Variants in CYRIB observed in about 807,000 individuals in gnomAD.
The protein encoded by CYRIB is CYFIP related Rac1 interactor B.
Under a neutral mutation model 44.2 loss-of-function variants are expected in CYRIB, and 8 were observed. The ratio of observed to expected loss-of-function variants is 0.18; its 90% confidence interval spans 0.11 to 0.33. CYRIB has a LOEUF of 0.33. CYRIB is among the 10% of genes least tolerant of loss of function. CYRIB has a pLI of 1.00. For synonymous variants in CYRIB, 131 were observed against 127.2 expected (o/e 1.03, Z -0.20); for missense variants, 185 against 382.8 (o/e 0.48, Z 4.31).
chr8:129,984,787 T>G (rs1049957625), intron 1 of CYRIB, among the ~76,000 whole-genome samples: 1 of 152,080 alleles, frequency 6.6e-6, no homozygotes, highest in Non-Finnish European at 1.5e-5. Context: ...TTTGTTTTTG[T>G]TTTTTTGAGA....
intron 2 of CYRIB, among the ~76,000 whole-genome samples, chr8:129,898,334 T>C (rs1048098277): frequency 1.3e-5 from 2 of 152,138 alleles, no homozygotes; most frequent in African/African-American, 4.8e-5. Context: ...AAGAAATTAG[T>C]ACTAAAACTT....
upstream of CYRIB, among the ~76,000 whole-genome samples, chr8:129,942,649 CA>C (rs566249516): frequency 6.7e-5 from 10 of 149,344 alleles, no homozygotes; most frequent in Non-Finnish European, 1.0e-4. Flanking sequence ...CAAAAGGATG[CA>C]AAAAAAAAGG....
Position 129,898,481 on chromosome 8 carries a change from C to A in CYRIB, c.-11+4831G>T, listed in dbSNP as rs556900733. Among the ~76,000 whole-genome samples, 9 of 152,210 alleles carry A rather than the reference C, an allele frequency of 5.9e-5. No individual in the cohort carries two copies. In the East Asian group the frequency reaches 1.7e-3, roughly 29 times the overall value. On this transcript the variant is annotated intron_variant, in intron 2 of 11. Transcript: ENST00000519824. ...ATGTATGCTTATTAGGAAAAGAAGA[C>A]GGATGTTAAGAAATGTTCTTAAATA... is the stretch of plus-strand genomic sequence containing the variant.
chr8:129,910,312 T>C (rs1412148809), intron 1 of CYRIB, among the ~76,000 whole-genome samples: 2 of 152,152 alleles, frequency 1.3e-5, no homozygotes, highest in Non-Finnish European at 2.9e-5. Flanking sequence ...ATCTTAGCTA[T>C]GAACATATAT....
intron 1 of CYRIB, among the ~76,000 whole-genome samples, chr8:129,937,905 CAT>C (rs1373178436): frequency 2.0e-5 from 3 of 151,982 alleles, no homozygotes; most frequent in African/African-American, 7.3e-5. Flanking sequence ...CTCTCTCTCT[CAT>C]GAGTTAGGAA....
At chr8:129,870,232 C>T (rs923290141) in intron 4 of CYRIB, among the ~76,000 whole-genome samples, 5 of 151,890 alleles carry the variant, frequency 3.3e-5, no homozygotes, top group East Asian at 3.9e-4. Context: ...AGACCAGCCT[C>T]GGCAACATGG....
intron 1 of CYRIB, among the ~76,000 whole-genome samples, chr8:129,911,583 C>T (rs2078047363): frequency 6.6e-6 from 1 of 151,898 alleles, no homozygotes; most frequent in African/African-American, 2.4e-5. Context: ...GGGCGAATCA[C>T]GAGGTCAGGG....
At chr8:129,979,730 A>G (rs2096126887) in intron 1 of CYRIB, among the ~76,000 whole-genome samples, 1 of 152,158 alleles carries the variant, frequency 6.6e-6, no homozygotes, top group South Asian at 2.1e-4. Flanking sequence ...AGCCTGGCCA[A>G]CATGGTGAAA....
At chr8:129,929,274 C>T (rs976736672) in intron 1 of CYRIB, among the ~76,000 whole-genome samples, 2 of 150,556 alleles carry the variant, frequency 1.3e-5, no homozygotes, top group South Asian at 2.1e-4. Flanking sequence ...GAGGGAGACA[C>T]GGGGAGAAGA....
chr8:129,986,015 C>G (rs545136597), intron 1 of CYRIB, among the ~76,000 whole-genome samples: 28 of 152,274 alleles, frequency 1.8e-4, no homozygotes, highest in African/African-American at 6.5e-4. Flanking sequence ...CTAAGTGTCC[C>G]TCCCCCAGCA....
At position 129,874,724 on chromosome 8, in the gene CYRIB, A is replaced by C. The variant is rs182133061; in HGVS notation, c.74-3228T>G. Among the ~76,000 whole-genome samples the C allele has an allele frequency of 1.2e-3, 178 of 152,286 alleles. 1 individual carries two copies. Among genetic ancestry groups the C allele is most frequent in the Non-Finnish European group, 2.8e-4 (19 of 67,992 alleles). ...TTGATCTCTGAATAACTATGATCCTATATCATTTTTGAAAAATAAATATAA... is the reference window on the plus strand; with the variant it reads ...TTGATCTCTGAATAACTATGATCCTCTATCATTTTTGAAAAATAAATATAA... On this transcript the variant is annotated intron_variant, in intron 3 of 11. Coordinates refer to ENST00000519824, the Ensembl canonical transcript of CYRIB.
At chr8:129,842,445 T>C (rs1410219871) in intron 11 of CYRIB, among the ~76,000 whole-genome samples, 3 of 152,226 alleles carry the variant, frequency 2.0e-5, no homozygotes, top group Non-Finnish European at 4.4e-5. Flanking sequence ...ACTGCTGAAA[T>C]GATTGGTTGA....
intron 2 of CYRIB, among the ~76,000 whole-genome samples, chr8:129,886,576 T>TC (rs1237942800): frequency 2.6e-5 from 4 of 152,132 alleles, no homozygotes; most frequent in Non-Finnish European, 5.9e-5. Context: ...CATCTTTTGT[T>TC]TCTCTCCTTT....
At chr8:129,855,866 G>T (rs2045958713) in intron 5 of CYRIB, 119 bp from the exon 8 acceptor site, 2 of 903,460 alleles carry the variant, frequency 2.2e-6, no homozygotes, top group Non-Finnish European at 3.3e-6. Context: ...AAAAACAGAT[G>T]ATCTAAACAT....
At chr8:129,959,059 C>CAAAAAAAAAAAAAAAAAAAAAAA (rs60576774) in intron 2 of CYRIB, among the ~76,000 whole-genome samples, 2 of 68,358 alleles carry the variant, frequency 2.9e-5, no homozygotes, top group Admixed American at 1.8e-4. Context: ...GACTCTGTCT[C>CAAAAAAAAAAAAAAAAAAAAAAA]AAAAAAAAAA....
exon 9 of CYRIB, chr8:129,850,838 G>A: frequency 6.2e-7 from 1 of 1,610,106 alleles, no homozygotes; most frequent in Non-Finnish European, 8.5e-7. Flanking sequence ...TACTCACGGT[G>A]TTTCCAGCAT....
intron 1 of CYRIB, among the ~76,000 whole-genome samples, chr8:130,013,180 G>A (rs902858019): frequency 2.6e-5 from 4 of 152,134 alleles, no homozygotes; most frequent in African/African-American, 7.2e-5. Context: ...ACTATTATAC[G>A]GGGTGTGCAA....
At chr8:129,845,658 C>T (rs1041633338) in intron 11 of CYRIB, among the ~76,000 whole-genome samples, 11 of 152,218 alleles carry the variant, frequency 7.2e-5, no homozygotes, top group African/African-American at 2.2e-4. Flanking sequence ...TTTGACAGTT[C>T]CGCTTAGCTG....
At chr8:129,911,409 T>G (rs2077946560) in intron 1 of CYRIB, among the ~76,000 whole-genome samples, 1 of 152,182 alleles carries the variant, frequency 6.6e-6, no homozygotes, top group Admixed American at 6.5e-5. Flanking sequence ...TGTTCAATAT[T>G]TATTATAATA....
Sources: allele counts gnomAD v4.1 joint callset (sites outside exome capture counted in the v4.1 genomes callset), GRCh38; gene constraint gnomAD v4.1.1; transcripts MANE v1.5; gene names NCBI Gene and HGNC (gene_info 2026-07-23, HGNC 2026-07-21).